The following WDPCP variants were observed in gnomAD, a reference collection of about 807,000 sequenced individuals.
WDPCP encodes the protein WD repeat containing planar cell polarity effector, also known as WD repeat-containing and planar cell polarity effector protein fritz homolog.
A neutral mutation model predicts 93.1 loss-of-function variants in WDPCP; 71 were observed. The ratio of observed to expected loss-of-function variants is 0.76; its 90% CI spans 0.63 to 0.93. The LOEUF (loss-of-function observed/expected upper bound fraction) is 0.93, where lower values mean the gene tolerates loss of function less well. Ranked by LOEUF, WDPCP falls within the 40% of genes least tolerant of loss-of-function variation. WDPCP has a pLI of 0.00. For synonymous variants in WDPCP, 315 were observed against 315.0 expected (o/e 1.00, Z 0.00); for missense variants, 844 against 887.4 (o/e 0.95, Z 0.62).
At chr2:63,138,448 T>A (rs1461775813) in intron 17 of WDPCP, among the ~76,000 whole-genome samples, 1 of 151,260 alleles carries the variant, frequency 6.6e-6, no homozygotes, top group Non-Finnish European at 1.5e-5. Context: ...GTTACATGAG[T>A]AAGTTCTTTT....
At chr2:63,362,277 T>TGTGTGTGTGTGTG (rs1553362984) in intron 12 of WDPCP, among the ~76,000 whole-genome samples, 3 of 94,106 alleles carry the variant, frequency 3.2e-5, no homozygotes, top group Admixed American at 1.4e-4. Flanking sequence ...TTTTTTTTGG[T>TGTGTGTGTGTGTG]TGTGTGTGTG....
intron 1 of WDPCP, among the ~76,000 whole-genome samples, chr2:63,826,308 T>C (rs1671113127): frequency 6.6e-6 from 1 of 152,054 alleles, no homozygotes; most frequent in South Asian, 2.1e-4. Context: ...AAGAGTACTG[T>C]GAAAAGGCCA....
intron 2 of WDPCP, among the ~76,000 whole-genome samples, chr2:63,807,248 G>A (rs938735120): frequency 2.6e-5 from 4 of 152,228 alleles, no homozygotes; most frequent in African/African-American, 9.6e-5. Flanking sequence ...GGAGGAGGGG[G>A]TCTAGAGGAA....
chr2:63,702,665 A>C (rs1292940334), intron 2 of WDPCP, among the ~76,000 whole-genome samples: 1 of 149,756 alleles, frequency 6.7e-6, no homozygotes, highest in Non-Finnish European at 1.5e-5. Context: ...CAGCCTTCCG[A>C]GTAGCTGGAC....
In WDPCP at chr2:63,600,600, A is replaced by C. The variant is rs182673264; in HGVS notation, n.488+50059T>G. ...CTTAGCATGGTGCCTGCACATAGTA[A>C]ATACAAGAAAGGTTGGCTGCTATTA... On this transcript the variant is annotated intron_variant and non_coding_transcript_variant, in intron 3 of 4. Transcript: ENST00000467687. Among the ~76,000 whole-genome samples the C allele has an allele frequency of 1.9e-3, 288 of 152,336 alleles. 1 individual carries two copies. In the Middle Eastern group the frequency reaches 0.024, roughly 13 times the overall value.
At chr2:63,727,964 T>A (rs1669513831) in intron 2 of WDPCP, among the ~76,000 whole-genome samples, 1 of 152,084 alleles carries the variant, frequency 6.6e-6, no homozygotes, top group African/African-American at 2.4e-5. Flanking sequence ...AGTAAGCAAT[T>A]TAAAGAAGCT....
intron 2 of WDPCP, among the ~76,000 whole-genome samples, chr2:63,731,490 A>G (rs1669561138): frequency 6.6e-6 from 1 of 152,180 alleles, no homozygotes; most frequent in Non-Finnish European, 1.5e-5. Flanking sequence ...TCATCACCCC[A>G]CAAGGCAACC....
chr2:63,778,364 C>A (rs1301428681), intron 2 of WDPCP, among the ~76,000 whole-genome samples: 2 of 152,064 alleles, frequency 1.3e-5, no homozygotes, highest in Non-Finnish European at 2.9e-5. Flanking sequence ...CCTGCCACTG[C>A]ACCTGGCTAA....
upstream of WDPCP, chr2:63,589,139 G>A (rs959474763): frequency 3.1e-6 from 5 of 1,613,598 alleles, no homozygotes; most frequent in African/African-American, 6.7e-5. Flanking sequence ...AGGCAGCTGT[G>A]CAAGGCACTG....
At chr2:63,358,444 T>C (rs1407824771) in intron 12 of WDPCP, among the ~76,000 whole-genome samples, 1 of 152,092 alleles carries the variant, frequency 6.6e-6, no homozygotes, top group Non-Finnish European at 1.5e-5. Context: ...TTTCCCAGTA[T>C]ATAGATAAGT....
intron 12 of WDPCP, among the ~76,000 whole-genome samples, chr2:63,346,180 T>C (rs1281600348): frequency 6.6e-6 from 1 of 152,052 alleles, no homozygotes; most frequent in Non-Finnish European, 1.5e-5. Flanking sequence ...CTTAGATGCC[T>C]GGAAAAAGTA....
chr2:63,702,145 C>A (rs980147772), intron 2 of WDPCP, among the ~76,000 whole-genome samples: 1 of 152,152 alleles, frequency 6.6e-6, no homozygotes, highest in African/African-American at 2.4e-5. Context: ...CCTGCCTCAG[C>A]CTCCCGAGTA....
chr2:63,189,046 G>T (rs140295592), intron 14 of WDPCP, among the ~76,000 whole-genome samples: 5 of 152,182 alleles, frequency 3.3e-5, no homozygotes, highest in African/African-American at 1.2e-4. Context: ...AGTGTATCTG[G>T]GTGCTTCTGA....
At chr2:63,659,012 A>G (rs1710198251) in intron 2 of WDPCP, among the ~76,000 whole-genome samples, 1 of 152,258 alleles carries the variant, frequency 6.6e-6, no homozygotes, top group African/African-American at 2.4e-5. Context: ...TGCTGGAGAT[A>G]AAAGGCTATA....
intron 1 of WDPCP, among the ~76,000 whole-genome samples, chr2:63,581,030 A>G (rs1411242772): frequency 6.6e-6 from 1 of 152,142 alleles, no homozygotes; most frequent in Non-Finnish European, 1.5e-5. Flanking sequence ...TATTCTTACA[A>G]TTCTTCAGTA....
chr2:63,766,321 G>A (rs1670135739), intron 2 of WDPCP, among the ~76,000 whole-genome samples: 1 of 151,816 alleles, frequency 6.6e-6, no homozygotes, highest in Non-Finnish European at 1.5e-5. Context: ...AAGTAAATAT[G>A]CCCAAATATT....
At chr2:63,254,001 T>C (rs762321348) in intron 14 of WDPCP, among the ~76,000 whole-genome samples, 18 of 152,028 alleles carry the variant, frequency 1.2e-4, no homozygotes, top group Non-Finnish European at 2.2e-4. Flanking sequence ...CAATGATGGA[T>C]TGAATGAAGA....
At position 63,455,969 on chromosome 2, in the gene WDPCP, C is replaced by T. The variant is rs558450465; in HGVS notation, c.385-16098G>A. ...AAAAGTTTGAAAATGGAAATCATAT[C>T]ACATATATTCTCAGACAGTGAAATA... On this transcript the variant is annotated intron_variant, in intron 6 of 17. Coordinates refer to ENST00000272321, the MANE Select transcript of WDPCP (RefSeq NM_015910.7). Among the ~76,000 whole-genome samples the T allele has an allele frequency of 5.1e-4, 78 of 152,246 alleles. No individual in the cohort carries two copies. The South Asian group carries it at 0.016, about 30-fold the overall frequency.
chr2:63,226,175 G>A (rs1299238047), intron 14 of WDPCP, among the ~76,000 whole-genome samples: 1 of 151,850 alleles, frequency 6.6e-6, no homozygotes, highest in Non-Finnish European at 1.5e-5. Flanking sequence ...AATAAAGGTA[G>A]ATGAGGAAAA....
Sources: allele counts gnomAD v4.1 joint callset (sites outside exome capture counted in the v4.1 genomes callset), GRCh38; gene constraint gnomAD v4.1.1; transcripts MANE v1.5; gene names NCBI Gene and HGNC (gene_info 2026-07-23, HGNC 2026-07-21).